USP34: variants seen among roughly 807,000 people sequenced by gnomAD.
USP34 encodes the protein ubiquitin carboxyl-terminal hydrolase 34.
A neutral mutation model predicts 460.3 loss-of-function variants in USP34; 70 were observed. That is an observed-to-expected ratio of 0.15 (90% CI 0.13 to 0.19). The LOEUF is 0.19. Ranked by LOEUF, USP34 falls within the 10% of genes least tolerant of loss-of-function variation. The probability of loss-of-function intolerance (pLI) is 1.00; values close to 1 mark genes in which losing one functional copy is unlikely to be tolerated. For synonymous variants in USP34, 1,647 were observed against 1,405.3 expected, an observed-to-expected ratio of 1.17 and a Z score of -3.85; for missense variants, 3,985 against 4,236.2, an observed-to-expected ratio of 0.94 and a Z score of 1.65.
chr2:61,229,471 AAAAACAAAAAAAAAAAAC>A lies in USP34; in HGVS notation c.7199+59_7199+76del. On this transcript the variant is annotated intron_variant, in intron 59 of 79. Transcript: ENST00000398571. The stretch of plus-strand genomic sequence containing the variant: ...ACCCTATCTCTTAAAAAAAAAAAAA[AAAAACAAAAAAAAAAAAC>A]AAAAACACCACACACACACAACACA... The A allele has an allele frequency of 8.2e-5, 57 of 693,228 alleles. 2 individuals carry two copies. Among genetic ancestry groups the A allele is most frequent in the East Asian group, 2.6e-4 (6 of 23,484 alleles). 42.9% of individuals were successfully genotyped at this position (693,228 alleles called of 1,614,324 possible). A position where few individuals can be genotyped will look rare whatever the true frequency, so the allele number is the denominator to read the frequency against.
chr2:61,194,426 G>T (rs1645713209), intron 75 of USP34, among the ~76,000 whole-genome samples: 1 of 152,196 alleles, frequency 6.6e-6, no homozygotes, highest in African/African-American at 2.4e-5. Context: ...GTAGAGGAAG[G>T]GTTAGCAAAC....
At chr2:61,294,428 G>A (rs113971348) in intron 32 of USP34, among the ~76,000 whole-genome samples, 7 of 152,194 alleles carry the variant, frequency 4.6e-5, no homozygotes, top group African/African-American at 1.7e-4. Context: ...CCTAGACACT[G>A]GGATGTCCTC....
intron 27 of USP34, among the ~76,000 whole-genome samples, chr2:61,308,464 T>C (rs533331157): frequency 1.1e-3 from 169 of 151,682 alleles, no homozygotes; most frequent in Non-Finnish European, 9.3e-4. Context: ...AAAAGAAACA[T>C]AGAAAAGATA....
At chr2:61,215,933 T>A (rs1171243123) in intron 67 of USP34, among the ~76,000 whole-genome samples, 1 of 152,160 alleles carries the variant, frequency 6.6e-6, no homozygotes, top group Admixed American at 6.5e-5. Context: ...AGGCTAATAA[T>A]GCTCCTAACA....
At position 61,353,382 on chromosome 2, in the gene USP34, T is replaced by A. The variant is rs140337221; in HGVS notation, c.1252-2689A>T. Among the ~76,000 whole-genome samples, 221 of 151,206 alleles carry A rather than the reference T, an allele frequency of 1.5e-3. 1 individual carries two copies. Among genetic ancestry groups the A allele is most frequent in the Middle Eastern group, 6.9e-3 (2 of 288 alleles). On this transcript the variant is annotated intron_variant, in intron 10 of 79. Coordinates refer to ENST00000398571, the MANE Select transcript of USP34 (RefSeq NM_014709.4). ...ATACCTGAAGTCCACCTGTTGCACT[T>A]CCTAGACGAATGTTTTTTTTTTTTT... is the stretch of plus-strand genomic sequence containing the variant.
intron 49 of USP34, among the ~76,000 whole-genome samples, chr2:61,247,728 T>C (rs1166115863): frequency 6.6e-6 from 1 of 152,154 alleles, no homozygotes; most frequent in Non-Finnish European, 1.5e-5. Flanking sequence ...GTCTAAAAAG[T>C]AGAATGTATA....
At position 61,316,039 on chromosome 2, in the gene USP34, TAAAAAAA is replaced by T. The variant is rs539035606; in HGVS notation, c.3283-1072_3283-1066del. Among the ~76,000 whole-genome samples, 13 of 126,562 alleles carry T rather than the reference TAAAAAAA, an allele frequency of 1.0e-4. No individual in the cohort carries two copies. In the South Asian group the frequency reaches 1.8e-3, roughly 18 times the overall value. 83.0% of individuals were successfully genotyped at this position (126,562 alleles called of 152,430 possible). Reference sequence around the variant, plus strand: ...ACACGGTGAAACCCTGTCTCTACTTTAAAAAAAAAAAAAAAAAAAAATTAGCCAGGCA... The same window carrying T: ...ACACGGTGAAACCCTGTCTCTACTTTAAAAAAAAAAAAAATTAGCCAGGCA... On this transcript the variant is annotated intron_variant, in intron 23 of 79. Coordinates refer to ENST00000398571, the MANE Select transcript of USP34 (RefSeq NM_014709.4).
chr2:61,353,392 A>ATTTTT (rs1282016277), intron 10 of USP34, among the ~76,000 whole-genome samples: 2 of 143,872 alleles, frequency 1.4e-5, no homozygotes, highest in Non-Finnish European at 3.0e-5. Flanking sequence ...TCCTAGACGA[A>ATTTTT]TGTTTTTTTT....
chr2:61,246,676 A>G (rs1688424994), intron 49 of USP34, among the ~76,000 whole-genome samples, 199 bp from the exon 50 acceptor site: 1 of 152,214 alleles, frequency 6.6e-6, no homozygotes, highest in Admixed American at 6.5e-5. Flanking sequence ...CAAATAGTTT[A>G]TATGTTAAAT....
chr2:61,320,070 T>G (rs1207753517), intron 21 of USP34, among the ~76,000 whole-genome samples: 1 of 152,186 alleles, frequency 6.6e-6, no homozygotes, highest in Non-Finnish European at 1.5e-5. Context: ...ACCAGACAGT[T>G]TAAACACAAA....
At chr2:61,451,694 C>CA (rs1558602897) in intron 1 of USP34, among the ~76,000 whole-genome samples, 2 of 147,234 alleles carry the variant, frequency 1.4e-5, no homozygotes, top group Non-Finnish European at 3.0e-5. Flanking sequence ...AAAAAAAAAA[C>CA]AAAAAAACAA....
rs779896422 is a variant in USP34, at chr2:61,188,388, T to C, written c.10355A>G (p.Asp3452Gly). Residue 3452 changes from aspartate to glycine, a missense_variant, in exon 80 of 80, where the codon GAC (aspartate) becomes GGC (glycine). By Grantham distance (94) the Asp-to-Gly change is moderately conservative (BLOSUM62 -1). This residue lies in a region of USP34 where 506 missense variants were observed against 439.0 expected (regional missense o/e 1.15). Transcript: ENST00000398571. ...GGTAGAATCCTTGGAACAGTGGAGG[T>C]CTTTAAATTCTTTACAATCGTCATA... ...GRYDDCKEFK[D>G]LHCSKDSTLA... 65 of 1,613,872 alleles carry C rather than the reference T, an allele frequency of 4.0e-5. No homozygotes were observed. The highest frequency in any genetic ancestry group is 5.3e-5 in the Non-Finnish European group (63 of 1,180,030).
At chr2:61,333,427 T>C (rs1268263918) in intron 19 of USP34, among the ~76,000 whole-genome samples, 1 of 152,034 alleles carries the variant, frequency 6.6e-6, no homozygotes, top group East Asian at 1.9e-4. Context: ...TCCAAAAATG[T>C]TGGATTATGG....
intron 6 of USP34, 81 bp from the exon 7 acceptor site, chr2:61,380,442 T>C: frequency 7.2e-7 from 1 of 1,398,424 alleles, no homozygotes; most frequent in South Asian, 1.4e-5. Context: ...AAATGTACAT[T>C]GTAAGCATTA....
At chr2:61,432,148 G>T (rs1455732820) in intron 1 of USP34, among the ~76,000 whole-genome samples, 2 of 151,762 alleles carry the variant, frequency 1.3e-5, no homozygotes, top group Non-Finnish European at 2.9e-5. Context: ...AGACCAGCCT[G>T]GGCAACTTAG....
chr2:61,457,646 T>C lies in USP34; in HGVS notation c.43+13004A>G, dbSNP rs754795117. Among the ~76,000 whole-genome samples the C allele has an allele frequency of 1.6e-4, 24 of 152,306 alleles. No homozygotes were observed. The Middle Eastern group carries it at 0.01, about 65-fold the overall frequency. ...GGGAGGCTGAGGCGGGAGAATCACT[T>C]GAGGCCAGAAGTTCAAGAGCAGCTT... On this transcript the variant is annotated intron_variant, in intron 1 of 79. Coordinates refer to ENST00000398571, the MANE Select transcript of USP34 (RefSeq NM_014709.4).
rs913359776 is a variant in USP34 at position 61,429,171 on chromosome 2, G to C, written c.44-8338C>G. ...TTTTAAAATTAGCTAGGTTTGGCCA[G>C]GCACAGTGGCTCACGCCTGTAATCC... On this transcript the variant is annotated intron_variant, in intron 1 of 79. Coordinates refer to ENST00000398571, the MANE Select transcript of USP34 (RefSeq NM_014709.4). 2.0e-5 allele frequency among the ~76,000 whole-genome samples: 3 copies of C among 152,270 alleles called. No individual in the cohort carries two copies. In the South Asian group the frequency reaches 6.2e-4, roughly 32 times the overall value.
intron 48 of USP34, among the ~76,000 whole-genome samples, chr2:61,252,494 T>C (rs1260013600): frequency 2.0e-5 from 3 of 152,122 alleles, no homozygotes; most frequent in Non-Finnish European, 4.4e-5. Context: ...CAGACAAAAA[T>C]ATACAAACTC....
At chr2:61,270,506 GCTCA>G (rs780492729) in intron 41 of USP34, among the ~76,000 whole-genome samples, 5 of 152,154 alleles carry the variant, frequency 3.3e-5, no homozygotes, top group Non-Finnish European at 5.9e-5. Context: ...CACGATCTCG[GCTCA>G]CTGCAGCCTC....
Sources: gnomAD v4.1 joint callset for allele counts (sites outside exome capture counted in the v4.1 genomes callset) on GRCh38, gnomAD v4.1.1 for gene constraint, gnomAD v4.1.1 regional missense constraint, MANE v1.5 for transcripts, NCBI Gene and HGNC (gene_info 2026-07-23, HGNC 2026-07-21) for gene names.